KRT80: variants seen among roughly 807,000 people sequenced by gnomAD.
KRT80 encodes the protein keratin 80, also known as keratin, type II cytoskeletal 80.
Under a neutral mutation model 51.5 loss-of-function variants are expected in KRT80, and 36 were observed. The observed-to-expected ratio is 0.70, with a 90% CI of 0.54 to 0.92. The LOEUF (loss-of-function observed/expected upper bound fraction) is 0.92. Ranked by LOEUF, KRT80 falls within the 40% of genes least tolerant of loss-of-function variation. The pLI, the probability that KRT80 is intolerant of heterozygous loss-of-function variation, is 0.00. For synonymous variants in KRT80, 235 were observed against 248.3 expected, an observed-to-expected ratio of 0.95 and a Z score of 0.50; for missense variants, 566 against 591.7, an observed-to-expected ratio of 0.96 and a Z score of 0.45.
chr12:52,183,349 C>T (rs1941353240), intron 2 of KRT80, among the ~76,000 whole-genome samples: 1 of 152,246 alleles, frequency 6.6e-6, no homozygotes, highest in Non-Finnish European at 1.5e-5. Context: ...ACCATCCCCA[C>T]CCCCGCAACT....
In KRT80 at chr12:52,172,280, A is replaced by G; in HGVS notation, c.1096T>C (p.Tyr366His). 1 of 1,613,890 alleles carries G rather than the reference A, an allele frequency of 6.2e-7. No homozygotes were observed. Among genetic ancestry groups the G allele is most frequent in the Non-Finnish European group, 8.5e-7 (1 of 1,179,860 alleles). Reference protein sequence around the residue: ...KQDMARQLRKYQELMNVKLAL... With the variant: ...KQDMARQLRKHQELMNVKLAL... ...AGCTTGACGTTCATCAGCTCCTGGTACTTGCGCAGCTGCCGCGCCATGTCC... is the reference window on the plus strand; with the variant it reads ...AGCTTGACGTTCATCAGCTCCTGGTGCTTGCGCAGCTGCCGCGCCATGTCC... Residue 366 changes from tyrosine to histidine, a missense_variant, in exon 7 of 9, where the codon TAC (tyrosine) becomes CAC (histidine). By Grantham distance (83) the Tyr-to-His change is moderately conservative (BLOSUM62 2). Coordinates refer to ENST00000394815, the MANE Select transcript of KRT80 (RefSeq NM_182507.3).
At chr12:52,177,289 T>C (rs1351795789) in intron 4 of KRT80, among the ~76,000 whole-genome samples, 2 of 152,216 alleles carry the variant, frequency 1.3e-5, no homozygotes, top group Non-Finnish European at 2.9e-5. Context: ...GAGCAGCCTA[T>C]TCTCGGGGCA....
chr12:52,183,004 G>A (rs1565697179), intron 2 of KRT80, among the ~76,000 whole-genome samples: 1 of 152,196 alleles, frequency 6.6e-6, no homozygotes, highest in African/African-American at 2.4e-5. Context: ...TACCCTGCAT[G>A]GCCTGATGCT....
At chr12:52,180,037 C>G (rs1043306903) in intron 4 of KRT80, among the ~76,000 whole-genome samples, 2 of 152,164 alleles carry the variant, frequency 1.3e-5, no homozygotes, top group African/African-American at 4.8e-5. Context: ...GAAACAAATG[C>G]GAATGTTTCC....
intron 4 of KRT80, 125 bp downstream of exon 4, chr12:52,180,388 G>A (rs1392831371): frequency 8.8e-6 from 5 of 568,698 alleles, no homozygotes; most frequent in Non-Finnish European, 1.5e-5. Flanking sequence ...TTATTCTGGG[G>A]CTGGAAATTG....
In KRT80 at chr12:52,171,486, C is replaced by T. The variant is rs201244168; in HGVS notation, c.1271G>A (p.Arg424Gln). Reference sequence around the variant, plus strand: ...GGGGCCTTTGCTGCCCTTCTTCTTTCGGGAGGGGGCCTTGGAGAGGCCTGA... The same window carrying T: ...GGGGCCTTTGCTGCCCTTCTTCTTTTGGGAGGGGGCCTTGGAGAGGCCTGA... Reference protein sequence around the residue: ...SRSGLSKAPSRKKKGSKGPVI... With the variant: ...SRSGLSKAPSQKKKGSKGPVI... The change falls in exon 9 of 9, where the codon CGA (arginine) becomes CAA (glutamine). Residue 424 changes from arginine to glutamine, a missense_variant. Transcript: ENST00000394815. 7.4e-5 allele frequency: 119 copies of T among 1,612,726 alleles called. No individual in the cohort carries two copies. The East Asian group carries it at 1.9e-3, about 26-fold the overall frequency.
chr12:52,186,205 A>C (rs1195911642), intron 1 of KRT80, among the ~76,000 whole-genome samples: 1 of 151,500 alleles, frequency 6.6e-6, no homozygotes, highest in Non-Finnish European at 1.5e-5. Context: ...TGTCCTCTCT[A>C]TTCTCCTTCC....
At position 52,175,869 on chromosome 12, in the gene KRT80, A is replaced by C. The variant is rs562793102; in HGVS notation, c.667-2105T>G. ...CCCCAGTCACTAGCCGACATTTCCC[A>C]TGTGGCACCAGCACCCTGGCTGGGG... On this transcript the variant is annotated intron_variant, in intron 4 of 8. Transcript: ENST00000394815. 4.6e-5 allele frequency among the ~76,000 whole-genome samples: 7 copies of C among 152,218 alleles called. No homozygotes were observed. In the South Asian group the frequency reaches 1.5e-3, roughly 32 times the overall value.
chr12:52,186,946 A>T (rs1416358940), intron 1 of KRT80, among the ~76,000 whole-genome samples: 1 of 150,510 alleles, frequency 6.6e-6, no homozygotes, highest in South Asian at 2.1e-4. Context: ...TCTCCTCCCC[A>T]TTTGTTCTTC....
At position 52,185,515 on chromosome 12, in the gene KRT80, T is replaced by C. The variant is rs1278239706; in HGVS notation, c.373A>G (p.Ile125Val). 3 of 1,613,712 alleles carry C rather than the reference T, an allele frequency of 1.9e-6. No homozygotes were observed. The highest frequency in any genetic ancestry group is 2.5e-6 in the Non-Finnish European group (3 of 1,180,024). Residue 125 changes from isoleucine (I) to valine (V), a missense_variant, in exon 2 of 9, where the codon ATC (isoleucine) becomes GTC (valine). Transcript: ENST00000394815. ...TCATAGAGATGCCCGAGGTCGAAGA[T>C]GGCTGAGTCCTGGCCCTGCAGGAAG... ...WSFLQGQDSA[I>V]FDLGHLYEEY...
At position 52,170,323 on chromosome 12, in the gene KRT80, TA is replaced by T. The variant is rs1941065022; in HGVS notation, c.*1074del. ...GAAGAAAGGAGGAGCTCTAACCCCA[TA>T]GGTGTGGGGGGTTCCTGGGCTCCCC... On this transcript the variant is annotated 3_prime_UTR_variant, in exon 9 of 9. Coordinates refer to ENST00000394815, the MANE Select transcript of KRT80 (RefSeq NM_182507.3). The T allele has an allele frequency of 1.3e-5, 2 of 152,378 alleles. No homozygotes were observed. The highest frequency in any genetic ancestry group is 4.8e-5 in the African/African-American group (2 of 41,494). The allele number at this position is 152,378 out of a possible 1,614,324, so 9.4% of individuals were successfully genotyped here. A position where few individuals can be genotyped will look rare whatever the true frequency, so the allele number is the denominator to read the frequency against.
chr12:52,184,727 A>G (rs1236567203), intron 2 of KRT80, among the ~76,000 whole-genome samples: 1 of 152,168 alleles, frequency 6.6e-6, no homozygotes, highest in African/African-American at 2.4e-5. Flanking sequence ...CTGGGCCCAT[A>G]AATGCTGGGA....
In KRT80 at chr12:52,185,371, CTACG is replaced by C. The variant is rs748418956; in HGVS notation, c.509+4_509+7del. On this transcript the variant is annotated splice_donor_5th_base_variant and intron_variant, in intron 2 of 8. Transcript: ENST00000394815. Reference sequence around the variant, plus strand: ...CCTTGCTCATGGCTCTCATGGGGCTCTACGTACCTGATTCGAAACTCCTCAACCT... The same window carrying C: ...CCTTGCTCATGGCTCTCATGGGGCTCTACCTGATTCGAAACTCCTCAACCT... 6.2e-7 allele frequency: 1 copy of C among 1,605,930 alleles called. No homozygotes were observed. The highest frequency in any genetic ancestry group is 8.5e-7 in the Non-Finnish European group (1 of 1,175,616).
intron 2 of KRT80, 128 bp downstream of exon 2, chr12:52,185,250 TA>T: frequency 1.1e-6 from 1 of 921,866 alleles, no homozygotes; most frequent in Non-Finnish European, 1.6e-6. Context: ...AGTCCCTCAA[TA>T]AATGTCTCAG....
At chr12:52,183,863 A>G (rs992570706) in intron 2 of KRT80, among the ~76,000 whole-genome samples, 1 of 152,002 alleles carries the variant, frequency 6.6e-6, no homozygotes. Flanking sequence ...CTGTAAAAGG[A>G]GGATCCAGGG....
chr12:52,191,239 G>A (rs1941476327), intron 1 of KRT80, among the ~76,000 whole-genome samples: 1 of 152,198 alleles, frequency 6.6e-6, no homozygotes, highest in African/African-American at 2.4e-5. Context: ...ACTTGCCTCA[G>A]AGTAGGACCG....
chr12:52,188,484 T>C (rs759642806), intron 1 of KRT80, among the ~76,000 whole-genome samples: 5 of 152,220 alleles, frequency 3.3e-5, no homozygotes, highest in Non-Finnish European at 7.4e-5. Flanking sequence ...GGAGTGCCTC[T>C]GGGCCACACA....
rs1301542520 is a variant in KRT80, at chr12:52,173,740, C to T, written c.691G>A (p.Val231Met). The change falls in exon 5 of 9, where the codon GTG (valine) becomes ATG (methionine). Residue 231 changes from valine to methionine, a missense_variant. Coordinates refer to ENST00000394815, the MANE Select transcript of KRT80 (RefSeq NM_182507.3). ...CCGACGGTCACCGACACATCCTTCACCTGTGCTGCCAGGTCCTTCAGCTCC... is the reference window on the plus strand; with the variant it reads ...CCGACGGTCACCGACACATCCTTCATCTGTGCTGCCAGGTCCTTCAGCTCC... ...EQELKDLAAQ[V>M]KDVSVTVGMD... 3 of 1,611,670 alleles carry T rather than the reference C, an allele frequency of 1.9e-6. No homozygotes were observed. The highest frequency in any genetic ancestry group is 1.3e-5 in the African/African-American group (1 of 74,948).
At position 52,171,321 on chromosome 12, in the gene KRT80, C is replaced by T; in HGVS notation, c.*77G>A. The stretch of plus-strand genomic sequence containing the variant: ...GCCTCTCTTCTCAACCTAGAGGCTC[C>T]AAGCTGCTTTCTTGAGTCTAGCTTA... On this transcript the variant is annotated 3_prime_UTR_variant, in exon 9 of 9. Transcript: ENST00000394815. The T allele has an allele frequency of 1.4e-6, 2 of 1,433,290 alleles. No homozygotes were observed. The highest frequency in any genetic ancestry group is 1.4e-5 in the African/African-American group (1 of 70,114). The allele number at this position is 1,433,290 out of a possible 1,614,324, so 88.8% of individuals were successfully genotyped here.
Sources: gnomAD v4.1 joint callset for allele counts (sites outside exome capture counted in the v4.1 genomes callset) on GRCh38, gnomAD v4.1.1 for gene constraint, MANE v1.5 for transcripts, NCBI Gene and HGNC (gene_info 2026-07-23, HGNC 2026-07-21) for gene names.